GCNT2: variants seen among roughly 807,000 people sequenced by gnomAD.
GCNT2 encodes the protein N-acetyllactosaminide beta-1,6-N-acetylglucosaminyl-transferase.
A neutral mutation model predicts 34.2 loss-of-function variants in GCNT2; 34 were observed. That is an observed-to-expected ratio of 1.00 (90% confidence interval 0.76 to 1.32). The LOEUF is 1.32. Among genes scored for constraint, GCNT2 ranks in the 40% most tolerant of loss-of-function variants. The probability of loss-of-function intolerance (pLI) is 0.00; values close to 1 mark genes in which losing one functional copy is unlikely to be tolerated. For synonymous variants in GCNT2, 212 were observed against 188.0 expected (o/e 1.13, Z -1.04); for missense variants, 584 against 489.4 (o/e 1.19, Z -1.82).
intron 3 of GCNT2, among the ~76,000 whole-genome samples, chr6:10,531,894 T>C (rs968350534): frequency 6.7e-6 from 1 of 150,084 alleles, no homozygotes; most frequent in Non-Finnish European, 1.5e-5. Context: ...TTTTTTTTTT[T>C]AGAGAAGACC....
At chr6:10,523,219 C>T (rs139044329) in intron 1 of GCNT2, among the ~76,000 whole-genome samples, 1 of 151,760 alleles carries the variant, frequency 6.6e-6, no homozygotes, top group Non-Finnish European at 1.5e-5. Context: ...ATCAGGAGTT[C>T]GAGACCAGCC....
chr6:10,540,124 G>A (rs1384773839), intron 3 of GCNT2, among the ~76,000 whole-genome samples: 1 of 151,882 alleles, frequency 6.6e-6, no homozygotes, highest in Non-Finnish European at 1.5e-5. Flanking sequence ...GAAAGTAAAG[G>A]ATGGAAGGAA....
chr6:10,595,296 T>C (rs1015883942), intron 3 of GCNT2, among the ~76,000 whole-genome samples: 4 of 151,496 alleles, frequency 2.6e-5, no homozygotes, highest in African/African-American at 9.7e-5. Flanking sequence ...TTTAATTTTT[T>C]GAGACGGAGT....
At chr6:10,617,929 A>G (rs1212872448) in intron 3 of GCNT2, among the ~76,000 whole-genome samples, 1 of 151,452 alleles carries the variant, frequency 6.6e-6, no homozygotes, top group African/African-American at 2.4e-5. Context: ...TAATTTTTGT[A>G]TCTTTAGTAG....
At chr6:10,608,073 CTTTTTTTT>C (rs576372819) in intron 3 of GCNT2, among the ~76,000 whole-genome samples, 2 of 124,764 alleles carry the variant, frequency 1.6e-5, no homozygotes, top group Non-Finnish European at 3.3e-5. Flanking sequence ...ATGGTATGCA[CTTTTTTTT>C]TTTTTTTTTT....
rs372474120 is a variant in GCNT2 at position 10,589,394 on chromosome 6, G to GTGTGTGGTGTGGGTGTA, written c.926-31940_926-31924dup. Among the ~76,000 whole-genome samples, 489 of 149,668 alleles carry GTGTGTGGTGTGGGTGTA rather than the reference G, an allele frequency of 3.3e-3. 5 individuals carry two copies. The highest frequency in any genetic ancestry group is 0.011 in the African/African-American group (446 of 40,754). On this transcript the variant is annotated intron_variant, in intron 3 of 4. Transcript: ENST00000495262. Reference sequence around the variant, plus strand: ...GTTTGTAGTGTGGTGTGTGTTTGTAGTGTGTGGTGTGGGTGTATGTGTGGT... The same window carrying GTGTGTGGTGTGGGTGTA: ...GTTTGTAGTGTGGTGTGTGTTTGTAGTGTGTGGTGTGGGTGTATGTGTGGTGTGGGTGTATGTGTGGT...
At chr6:10,571,274 C>T (rs1052869446) in intron 3 of GCNT2, among the ~76,000 whole-genome samples, 5 of 152,040 alleles carry the variant, frequency 3.3e-5, no homozygotes, top group Admixed American at 6.6e-5. Context: ...TCAAGTTACA[C>T]GTGGTATAGA....
At chr6:10,611,296 T>A (rs374572526) in intron 3 of GCNT2, among the ~76,000 whole-genome samples, 17 of 150,120 alleles carry the variant, frequency 1.1e-4, no homozygotes, top group African/African-American at 4.1e-4. Context: ...GAACCAGTAC[T>A]GGGTGGAAAC....
chr6:10,553,897 G>A (rs1762584456), intron 3 of GCNT2, among the ~76,000 whole-genome samples: 1 of 152,022 alleles, frequency 6.6e-6, no homozygotes, highest in African/African-American at 2.4e-5. Flanking sequence ...CTGCCTCAAA[G>A]GAAAAAAACC....
chr6:10,535,906 G>C (rs939478228), intron 3 of GCNT2, among the ~76,000 whole-genome samples: 1 of 152,020 alleles, frequency 6.6e-6, no homozygotes, highest in African/African-American at 2.4e-5. Context: ...CTGCGGACTA[G>C]CCCTATTGGA....
chr6:10,619,218 C>G (rs550798182), intron 3 of GCNT2: 1 of 152,104 alleles, frequency 6.6e-6, no homozygotes, highest in South Asian at 2.1e-4. Flanking sequence ...TGATCCCTCT[C>G]TTGTCACCCA....
chr6:10,624,799 G>T (rs540873204), intron 4 of GCNT2, among the ~76,000 whole-genome samples: 123 of 151,922 alleles, frequency 8.1e-4, no homozygotes, highest in Non-Finnish European at 7.4e-5. Context: ...CGCCAGCTAT[G>T]GTCTCAGCTA....
At chr6:10,565,099 T>C (rs1763218062) in intron 3 of GCNT2, among the ~76,000 whole-genome samples, 1 of 152,066 alleles carries the variant, frequency 6.6e-6, no homozygotes, top group Admixed American at 6.5e-5. Context: ...GCAGAGGGAA[T>C]AGGGATCGCA....
chr6:10,596,271 C>G (rs563130877), intron 3 of GCNT2, among the ~76,000 whole-genome samples: 1 of 152,262 alleles, frequency 6.6e-6, no homozygotes, highest in South Asian at 2.1e-4. Context: ...CACCTGTAAT[C>G]CTAGCACTTT....
intron 4 of GCNT2, among the ~76,000 whole-genome samples, chr6:10,623,852 T>C (rs1766150190): frequency 6.6e-6 from 1 of 152,192 alleles, no homozygotes; most frequent in Admixed American, 6.5e-5. Context: ...TTCAAGCTTT[T>C]TCCTTCTATG....
intron 4 of GCNT2, among the ~76,000 whole-genome samples, chr6:10,622,022 A>C (rs906934003): frequency 6.6e-6 from 1 of 152,160 alleles, no homozygotes; most frequent in Non-Finnish European, 1.5e-5. Flanking sequence ...CCCTCAGGCC[A>C]GTCCCTGCTC....
At chr6:10,581,249 T>TTATG (rs1764056967) in intron 3 of GCNT2, among the ~76,000 whole-genome samples, 1 of 152,080 alleles carries the variant, frequency 6.6e-6, no homozygotes, top group African/African-American at 2.4e-5. Flanking sequence ...GGGTTTTGTT[T>TTATG]TATGTATGTA....
At chr6:10,558,936 A>G (rs1762843377) in intron 3 of GCNT2, among the ~76,000 whole-genome samples, 1 of 152,216 alleles carries the variant, frequency 6.6e-6, no homozygotes, top group African/African-American at 2.4e-5. Context: ...GCTGATTTTC[A>G]TATTTAAATA....
intron 3 of GCNT2, among the ~76,000 whole-genome samples, chr6:10,562,664 AAAAAAAAAAAAAAC>A (rs1304957177): frequency 1.3e-5 from 2 of 151,136 alleles, no homozygotes; most frequent in African/African-American, 2.4e-5. Flanking sequence ...CTGAAAAAAA[AAAAAAAAAAAAAAC>A]AAAAAAAAAC....
Sources: allele counts gnomAD v4.1 joint callset (sites outside exome capture counted in the v4.1 genomes callset), GRCh38; gene constraint gnomAD v4.1.1; transcripts MANE v1.5; gene names NCBI Gene and HGNC (gene_info 2026-07-23, HGNC 2026-07-21).